Variants in CDH24 observed in about 807,000 individuals in gnomAD.
The protein encoded by CDH24 is cadherin-24.
CDH24 carries 61 observed loss-of-function variants against 71.2 expected under a neutral mutation model. The ratio of observed to expected loss-of-function variants is 0.86; its 90% CI spans 0.70 to 1.06. The LOEUF (loss-of-function observed/expected upper bound fraction) is 1.06, where lower values mean the gene tolerates loss of function less well. CDH24 is among the 50% of genes least tolerant of loss of function. CDH24 has a pLI of 0.00. For synonymous variants in CDH24, 440 were observed against 470.2 expected, an observed-to-expected ratio of 0.94 and a Z score of 0.83; for missense variants, 961 against 1,083.7, an observed-to-expected ratio of 0.89 and a Z score of 1.59.
At position 23,054,145 on chromosome 14, in the gene CDH24, C is replaced by T. The variant is rs199792016; in HGVS notation, c.968G>A (p.Arg323His). The change falls in exon 6 of 13, where the codon CGC becomes CAC. Residue 323 changes from arginine (R) to histidine (H), a missense_variant. This residue lies in a region of CDH24 where 671 missense variants were observed against 810.9 expected (regional missense o/e 0.83). Coordinates refer to ENST00000487137, the MANE Select transcript of CDH24 (RefSeq NM_144985.4). The surrounding 1 kb of genome is among the most constrained non-coding windows in gnomAD (Gnocchi z 5.2). ...LQGRDGLLTVRKPLDFESQRS... is the reference protein window; with the variant it reads ...LQGRDGLLTVHKPLDFESQRS... ...ATTAACAGGCAGGAGGCTAACCTTGCGGACAGTGAGGAGCCCGTCTCGACC... is the reference window on the plus strand; with the variant it reads ...ATTAACAGGCAGGAGGCTAACCTTGTGGACAGTGAGGAGCCCGTCTCGACC... The T allele has an allele frequency of 9.4e-6, 15 of 1,593,460 alleles. No individual in the cohort carries two copies. Among genetic ancestry groups the T allele is most frequent in the Admixed American group, 5.2e-5 (3 of 57,516 alleles).
Position 23,054,541 on chromosome 14 carries a change from C to CTGAGCG in CDH24, c.743_748dup (p.Thr248_Leu249dup). 1 of 1,613,976 alleles carries CTGAGCG rather than the reference C, an allele frequency of 6.2e-7. No homozygotes were observed. Among genetic ancestry groups the CTGAGCG allele is most frequent in the Non-Finnish European group, 8.5e-7 (1 of 1,179,932 alleles). Reference sequence around the variant, plus strand: ...CTTGGGGGGGTTGTCGTTGACATCGCTGAGCGTGACAGTCACCGTAGTGCT... The same window carrying CTGAGCG: ...CTTGGGGGGGTTGTCGTTGACATCGCTGAGCGTGAGCGTGACAGTCACCGTAGTGCT... On this transcript the variant is annotated inframe_insertion, in exon 5 of 13. Coordinates refer to ENST00000487137, the MANE Select transcript of CDH24 (RefSeq NM_144985.4). The surrounding 1 kb of genome is among the most constrained non-coding windows in gnomAD (Gnocchi z 5.2).
rs1054001239 is a variant in CDH24 at position 23,048,051 on chromosome 14, G to A, written c.2275C>T (p.Leu759=). Residue 759 remains leucine, a synonymous_variant, in exon 12 of 13, where the codon CTG becomes TTG. Transcript: ENST00000487137. ...CGGAAGAGCGGACCCCAGTCGTCCA[G>A]CGGCTCCGCGGGGCCGGGGGCGCCG... The part of the protein sequence containing the change: ...AGGAPGPAEP[L]DDWGPLFRTL... 21 of 1,444,624 alleles carry A rather than the reference G, an allele frequency of 1.5e-5. No homozygotes were observed. Among genetic ancestry groups the A allele is most frequent in the Admixed American group, 5.3e-5 (2 of 37,730 alleles). The allele number at this position is 1,444,624 out of a possible 1,614,324, so 89.5% of individuals were successfully genotyped here.
chr14:23,052,131 G>A, intron 8 of CDH24: 1 of 1,069,778 alleles, frequency 9.3e-7, no homozygotes, highest in Non-Finnish European at 1.4e-6. Context: ...CACAGGTTGG[G>A]GGCTATGTAA....
rs771089721 is a variant in CDH24, at chr14:23,048,110, G to A, written c.2216C>T (p.Ser739Phe). ...GCTGCCGGAGCCCAGGGAGCTGAGGGAGCCGCAAGAGGAGCCGCGGCCCTC... is the reference window on the plus strand; with the variant it reads ...GCTGCCGGAGCCCAGGGAGCTGAGGAAGCCGCAAGAGGAGCCGCGGCCCTC... ...GYEGRGSSCG[S>F]LSSLGSGSEA... Residue 739 changes from serine (S) to phenylalanine (F), a missense_variant, in exon 12 of 13, where the codon TCC (serine) becomes TTC (phenylalanine). This residue lies in a region of CDH24 where 290 missense variants were observed against 272.8 expected (regional missense o/e 1.06). Coordinates refer to ENST00000487137, the MANE Select transcript of CDH24 (RefSeq NM_144985.4). The A allele has an allele frequency of 1.4e-6, 2 of 1,406,532 alleles. No homozygotes were observed. Among genetic ancestry groups the A allele is most frequent in the East Asian group, 3.2e-5 (1 of 31,714 alleles). 87.1% of individuals were successfully genotyped at this position (1,406,532 alleles called of 1,614,324 possible).
intron 11 of CDH24, 35 bp from the exon 12 acceptor site, chr14:23,048,514 G>C: frequency 1.3e-6 from 2 of 1,593,002 alleles, no homozygotes; most frequent in Non-Finnish European, 1.7e-6. Context: ...CCCTGAGCCA[G>C]CAGGGCCGGG....
Position 23,049,661 on chromosome 14 carries a change from G to A in CDH24, c.1563C>T (p.Gly521=), listed in dbSNP as rs1247452535. ...SSHVSFQGPL[G]PDANFTVQDN... ...CCTGGACAGTAAAGTTGGCATCAGG[G>A]CCCAGAGGACCTTGAAAGGAGACAT... Residue 521 remains glycine, a synonymous_variant, in exon 10 of 13, where the codon GGC becomes GGT. Coordinates refer to ENST00000487137, the MANE Select transcript of CDH24 (RefSeq NM_144985.4). 1.2e-6 allele frequency: 2 copies of A among 1,604,122 alleles called. No individual in the cohort carries two copies. Among genetic ancestry groups the A allele is most frequent in the Non-Finnish European group, 8.5e-7 (1 of 1,173,942 alleles).
In CDH24 at chr14:23,055,037, C is replaced by A; in HGVS notation, c.496+22G>T. The A allele has an allele frequency of 6.2e-7, 1 of 1,601,658 alleles. No individual in the cohort carries two copies. The highest frequency in any genetic ancestry group is 8.5e-7 in the Non-Finnish European group (1 of 1,171,194). ...GAGCTCCAGAAGACGGGAACTGGGG[C>A]ATTCAGAGCTGGGGTGCTCACCGAC... On this transcript the variant is annotated intron_variant, in intron 3 of 12. Transcript: ENST00000487137. This position sits in a 1 kb window ranked among gnomAD's most constrained non-coding sequence, Gnocchi z 4.1.
At chr14:23,053,439 C>A in intron 7 of CDH24, 57 bp downstream of exon 7, 1 of 1,496,418 alleles carries the variant, frequency 6.7e-7, no homozygotes, top group South Asian at 1.3e-5. Flanking sequence ...TTTACTCATT[C>A]TCTGGGTGGG....
chr14:23,048,642 T>C (rs1055920418), intron 11 of CDH24, among the ~76,000 whole-genome samples, 163 bp from the exon 12 acceptor site: 1 of 152,234 alleles, frequency 6.6e-6, no homozygotes, highest in African/African-American at 2.4e-5. Context: ...TTACTCGCTA[T>C]GTGACCATGG....
intron 8 of CDH24, chr14:23,052,034 C>A: frequency 6.3e-7 from 1 of 1,586,038 alleles, no homozygotes; most frequent in Non-Finnish European, 8.6e-7. Flanking sequence ...GTGCACTCCA[C>A]TCAGCAACCA....
In CDH24 at chr14:23,051,117, T is replaced by G. The variant is rs1313623858; in HGVS notation, c.1364-1174A>C. 6.6e-6 allele frequency among the ~76,000 whole-genome samples: 1 copy of G among 152,132 alleles called. No homozygotes were observed. The highest frequency in any genetic ancestry group is 2.4e-5 in the African/African-American group (1 of 41,402). On this transcript the variant is annotated intron_variant, in intron 8 of 12. Transcript: ENST00000487137. This position sits in a 1 kb window ranked among gnomAD's most constrained non-coding sequence, Gnocchi z 4.4. ...ACACACACGGCCATCCACACAGACATCCATGCACTAACAGATAACACGTGC... is the reference window on the plus strand; with the variant it reads ...ACACACACGGCCATCCACACAGACAGCCATGCACTAACAGATAACACGTGC...
rs954851263 is a variant in CDH24, at chr14:23,057,109, G to A, written c.-125+294C>T. ...GGGAGAAAGGTAGAGAAAGAAAAAG[G>A]CAAAGAGGGAGAGGAGATGGAAAAA... On this transcript the variant is annotated intron_variant, in intron 1 of 12. Coordinates refer to ENST00000487137, the MANE Select transcript of CDH24 (RefSeq NM_144985.4). The surrounding 1 kb of genome is among the most constrained non-coding windows in gnomAD (Gnocchi z 5.4). Among the ~76,000 whole-genome samples the A allele has an allele frequency of 5.9e-5, 9 of 151,924 alleles. No individual in the cohort carries two copies. The highest frequency in any genetic ancestry group is 2.2e-4 in the African/African-American group (9 of 41,350).
chr14:23,055,045 G>C lies in CDH24; in HGVS notation c.496+14C>G. ...GAAGACGGGAACTGGGGCATTCAGA[G>C]CTGGGGTGCTCACCGACATTGGACA... On this transcript the variant is annotated intron_variant, in intron 3 of 12. Coordinates refer to ENST00000487137, the MANE Select transcript of CDH24 (RefSeq NM_144985.4). This position sits in a 1 kb window ranked among gnomAD's most constrained non-coding sequence, Gnocchi z 4.1. 1 of 1,606,192 alleles carries C rather than the reference G, an allele frequency of 6.2e-7. No individual in the cohort carries two copies. Among genetic ancestry groups the C allele is most frequent in the Non-Finnish European group, 8.5e-7 (1 of 1,174,168 alleles).
In CDH24 at chr14:23,054,007, A is replaced by G; in HGVS notation, c.972+134T>C. On this transcript the variant is annotated intron_variant, in intron 6 of 12. Coordinates refer to ENST00000487137, the MANE Select transcript of CDH24 (RefSeq NM_144985.4). This position sits in a 1 kb window ranked among gnomAD's most constrained non-coding sequence, Gnocchi z 5.2. ...TAAGCTCCAGGGCCTCATCTGAAGG[A>G]TGAGGAGGTGACCATGATCTCTAAG... 1.0e-6 allele frequency: 1 copy of G among 1,000,610 alleles called. No individual in the cohort carries two copies. Among genetic ancestry groups the G allele is most frequent in the Non-Finnish European group, 1.4e-6 (1 of 689,762 alleles). 62.0% of individuals were successfully genotyped at this position (1,000,610 alleles called of 1,614,324 possible). A position where few individuals can be genotyped will look rare whatever the true frequency, so the allele number is the denominator to read the frequency against.
In CDH24 at chr14:23,049,280, G is replaced by A; in HGVS notation, c.1598-5C>T. The A allele has an allele frequency of 6.4e-7, 1 of 1,567,760 alleles. No individual in the cohort carries two copies. Among genetic ancestry groups the A allele is most frequent in the Non-Finnish European group, 8.6e-7 (1 of 1,156,248 alleles). On this transcript the variant is annotated splice_polypyrimidine_tract_variant and splice_region_variant and intron_variant, in intron 10 of 12. Transcript: ENST00000487137. The stretch of plus-strand genomic sequence containing the variant: ...GCAGCAGGCTGGCGGAGCCATCTGT[G>A]GGAGAGGGAAGGTGTTGAGGTATCT...
rs1168833976 is a variant in CDH24, at chr14:23,047,972, C to A, written c.*8G>T. ...CCCCCCCGCGGTGGGCCGGGCCAGC[C>A]CGGGCGCTCAGGGGGCCGGGGGCTC... is the stretch of plus-strand genomic sequence containing the variant. On this transcript the variant is annotated 3_prime_UTR_variant, in exon 12 of 13. Transcript: ENST00000487137. 22 of 1,328,952 alleles carry A rather than the reference C, an allele frequency of 1.7e-5. No homozygotes were observed. Among genetic ancestry groups the A allele is most frequent in the Non-Finnish European group, 2.1e-5 (22 of 1,045,572 alleles). The allele number at this position is 1,328,952 out of a possible 1,614,324, so 82.3% of individuals were successfully genotyped here.
Position 23,053,478 on chromosome 14 carries a change from A to G in CDH24, c.1226+18T>C. ...AGCCTGCCATCTGGCTCCCCAGCCC[A>G]CATCCCAGCTCACCTACCTGATTGG... On this transcript the variant is annotated intron_variant, in intron 7 of 12. Transcript: ENST00000487137. The G allele has an allele frequency of 1.9e-6, 3 of 1,546,986 alleles. No individual in the cohort carries two copies. Among genetic ancestry groups the G allele is most frequent in the South Asian group, 1.2e-5 (1 of 82,150 alleles).
Position 23,048,237 on chromosome 14 carries a change from G to C in CDH24, c.2089C>G (p.Pro697Ala). The change falls in exon 12 of 13, where the codon CCC becomes GCC. Residue 697 changes from proline to alanine, a missense_variant. Physicochemically the swap from Pro to Ala is conservative, Grantham distance 27. Around this residue, in one of 2 missense-constraint regions of CDH24, gnomAD observed 290 missense variants for 272.8 expected, o/e 1.06. Transcript: ENST00000487137. ...RARVSRQPRP[P>A]GPADVAQLLA... Reference sequence around the variant, plus strand: ...AGCTGCGCCACGTCGGCGGGGCCGGGGGGTCTGGGCTGGCGCGACACCCGG... The same window carrying C: ...AGCTGCGCCACGTCGGCGGGGCCGGCGGGTCTGGGCTGGCGCGACACCCGG... 2 of 1,330,696 alleles carry C rather than the reference G, an allele frequency of 1.5e-6. No homozygotes were observed. The highest frequency in any genetic ancestry group is 4.1e-5 in the Admixed American group (1 of 24,284). The allele number at this position is 1,330,696 out of a possible 1,614,324, so 82.4% of individuals were successfully genotyped here.
chr14:23,049,909 G>A lies in CDH24; in HGVS notation c.1398C>T (p.Ala466=), dbSNP rs1012828785. 55 of 1,613,874 alleles carry A rather than the reference G, an allele frequency of 3.4e-5. No homozygotes were observed. The highest frequency in any genetic ancestry group is 1.3e-4 in the Admixed American group (8 of 59,998). Residue 466 remains alanine (A), a synonymous_variant, in exon 9 of 13, where the codon GCC becomes GCT. Transcript: ENST00000487137. ...SSAQASRVQV[A]IQTLDENDNA... ...TGTCATTCTCATCCAGGGTCTGGAT[G>A]GCCACTTGCACGCGCGAGGCCTGTG...
Sources: allele counts gnomAD v4.1 joint callset (sites outside exome capture counted in the v4.1 genomes callset), GRCh38; gene constraint gnomAD v4.1.1; regional missense constraint gnomAD v4.1.1; non-coding constraint Gnocchi (gnomAD v3.1); transcripts MANE v1.5; gene names NCBI Gene and HGNC (gene_info 2026-07-23, HGNC 2026-07-21).